The following CNTN4 variants were observed in gnomAD, a reference collection of about 807,000 sequenced individuals.
The protein encoded by CNTN4 is contactin-4.
A neutral mutation model predicts 122.5 loss-of-function variants in CNTN4; 77 were observed. The observed-to-expected ratio is 0.63, with a 90% CI of 0.52 to 0.76. CNTN4 has a LOEUF of 0.76. CNTN4 is among the 30% of genes least tolerant of loss of function. CNTN4 has a pLI of 0.00. For missense variants in CNTN4, 1,256 were observed against 1,259.1 expected, an observed-to-expected ratio of 1.00 and a Z score of 0.04; for synonymous variants, 512 against 447.0, an observed-to-expected ratio of 1.15 and a Z score of -1.83.
chr3:2,645,754 A>T (rs963715646), intron 4 of CNTN4, among the ~76,000 whole-genome samples: 2 of 152,194 alleles, frequency 1.3e-5, no homozygotes, highest in Non-Finnish European at 2.9e-5. Flanking sequence ...TTTGTTCATG[A>T]TGAAGAGGTT....
intron 6 of CNTN4, among the ~76,000 whole-genome samples, chr3:2,773,451 A>T (rs952139621): frequency 2.0e-5 from 3 of 152,102 alleles, no homozygotes; most frequent in African/African-American, 7.2e-5. Flanking sequence ...TAGGGAAGGG[A>T]ATCCAACATT....
chr3:2,597,070 AAGGGGTTGTAAGACC>A (rs879817160), intron 4 of CNTN4, among the ~76,000 whole-genome samples: 13 of 152,150 alleles, frequency 8.5e-5, no homozygotes, highest in Admixed American at 5.2e-4. Flanking sequence ...TTGTAGTGGG[AAGGGGTTGTAAGACC>A]AGGTCACCCA....
rs1280329063 is a variant in CNTN4, at chr3:2,709,701, G to A, written c.56-26514G>A. On this transcript the variant is annotated intron_variant, in intron 4 of 24. Transcript: ENST00000418658. The surrounding 1 kb of genome is among the most constrained non-coding windows in gnomAD (Gnocchi z 5.0). ...GGCTGAGGCAGGTGGATCACTTGAG[G>A]TCAGGAGTTCAAAATCAGCCTGGCC... is the stretch of plus-strand genomic sequence containing the variant. 6.6e-6 allele frequency among the ~76,000 whole-genome samples: 1 copy of A among 152,022 alleles called. No individual in the cohort carries two copies. Among genetic ancestry groups the A allele is most frequent in the Admixed American group, 6.6e-5 (1 of 15,244 alleles).
chr3:2,866,906 C>T lies in CNTN4; in HGVS notation c.609C>T (p.His203=), dbSNP rs2093730105. 6.2e-7 allele frequency: 1 copy of T among 1,614,012 alleles called. No individual in the cohort carries two copies. Among genetic ancestry groups the T allele is most frequent in the Non-Finnish European group, 8.5e-7 (1 of 1,179,932 alleles). ...TCVVTNTVTN[H]KVLGPPTPLI... is the part of the protein sequence containing the mutation. The stretch of plus-strand genomic sequence containing the variant: ...TGGTTACCAATACCGTGACAAACCA[C>T]AAGGTCCTGGGGCCACCTACACCAC... Residue 203 remains histidine (H), a synonymous_variant, in exon 8 of 25, where the codon CAC becomes CAT. Coordinates refer to ENST00000418658, the MANE Select transcript of CNTN4 (RefSeq NM_175607.3).
intron 4 of CNTN4, among the ~76,000 whole-genome samples, chr3:2,599,230 T>G (rs1421950011): frequency 6.6e-6 from 1 of 152,206 alleles, no homozygotes; most frequent in Non-Finnish European, 1.5e-5. Flanking sequence ...TTACTAGTTG[T>G]AGGTTCCATT....
intron 4 of CNTN4, among the ~76,000 whole-genome samples, chr3:2,656,578 T>G (rs541695150): frequency 6.6e-6 from 1 of 152,338 alleles, no homozygotes; most frequent in Admixed American, 6.5e-5. Context: ...GCGGACTAAC[T>G]TAACATTTGG....
chr3:2,814,314 C>T (rs78461880), intron 6 of CNTN4, among the ~76,000 whole-genome samples: 10,229 of 152,304 alleles, frequency 0.067, 393 homozygotes, highest in Non-Finnish European at 0.086. Context: ...GTTTTACATA[C>T]ACATTATTTA....
At chr3:2,650,670 A>G (rs1201084369) in intron 4 of CNTN4, among the ~76,000 whole-genome samples, 1 of 152,204 alleles carries the variant, frequency 6.6e-6, no homozygotes, top group African/African-American at 2.4e-5. Context: ...ATCTTAATCG[A>G]GGGAAGACTC....
rs2087149392 is a variant in CNTN4, at chr3:2,711,486, G to A, written c.56-24729G>A. On this transcript the variant is annotated intron_variant, in intron 4 of 24. Coordinates refer to ENST00000418658, the MANE Select transcript of CNTN4 (RefSeq NM_175607.3). ...AGAGTTTGCATAAGACTTTAGATAT[G>A]ATATATTCCAAATTCCCTACTTTTC... Among the ~76,000 whole-genome samples, 2 of 152,140 alleles carry A rather than the reference G, an allele frequency of 1.3e-5. 1 individual carries two copies. The highest frequency in any genetic ancestry group is 1.3e-4 in the Admixed American group (2 of 15,260).
chr3:2,898,265 T>C (rs2094136620), intron 10 of CNTN4, among the ~76,000 whole-genome samples: 1 of 152,178 alleles, frequency 6.6e-6, no homozygotes, highest in Admixed American at 6.5e-5. Context: ...GATATTCACT[T>C]TGAGAGGAAT....
chr3:2,241,147 A>G (rs1228562844), intron 2 of CNTN4, among the ~76,000 whole-genome samples: 1 of 152,190 alleles, frequency 6.6e-6, no homozygotes, highest in Non-Finnish European at 1.5e-5. Flanking sequence ...AATAATGGAT[A>G]TTTATTGTTT....
rs115372408 is a variant in CNTN4 at position 2,242,532 on chromosome 3, G to T, written c.-144-96646G>T. ...AAGCAGAGACACTTTTTTAACATCA[G>T]TTCTCCAGTGAGTTCATAGCAGATT... On this transcript the variant is annotated intron_variant, in intron 2 of 24. Transcript: ENST00000418658. Among the ~76,000 whole-genome samples, 206 of 152,202 alleles carry T rather than the reference G, an allele frequency of 1.4e-3. 1 individual carries two copies. The highest frequency in any genetic ancestry group is 2.8e-3 in the African/African-American group (118 of 41,538).
chr3:3,048,397 C>T (rs1172468107), intron 23 of CNTN4, among the ~76,000 whole-genome samples: 1 of 152,128 alleles, frequency 6.6e-6, no homozygotes, highest in African/African-American at 2.4e-5. Context: ...AAATTCTATA[C>T]CATTGTATAT....
chr3:2,399,525 T>G (rs1056802804), intron 3 of CNTN4, among the ~76,000 whole-genome samples: 31 of 152,230 alleles, frequency 2.0e-4, no homozygotes, highest in Non-Finnish European at 4.0e-4. Flanking sequence ...CTGTTACTAG[T>G]TACATAAGTT....
intron 13 of CNTN4, among the ~76,000 whole-genome samples, chr3:2,932,342 C>T (rs1335509635): frequency 6.6e-6 from 1 of 152,144 alleles, no homozygotes; most frequent in Admixed American, 6.5e-5. Context: ...TGCACCACTG[C>T]ACTCCAGCCT....
chr3:2,740,958 G>A (rs1244018526), intron 5 of CNTN4, among the ~76,000 whole-genome samples: 1 of 151,978 alleles, frequency 6.6e-6, no homozygotes, highest in Non-Finnish European at 1.5e-5. Context: ...AGAATTCCAG[G>A]GCACATGGAA....
chr3:2,726,426 C>G (rs1056015827), intron 4 of CNTN4, among the ~76,000 whole-genome samples: 10 of 152,134 alleles, frequency 6.6e-5, no homozygotes, highest in Non-Finnish European at 1.3e-4. Context: ...ATCCAAACCA[C>G]TTGAGTTGAA....
At chr3:2,482,731 G>A (rs2076040443) in intron 3 of CNTN4, among the ~76,000 whole-genome samples, 1 of 152,236 alleles carries the variant, frequency 6.6e-6, no homozygotes, top group African/African-American at 2.4e-5. Context: ...TTCAGAGGGT[G>A]CAAGCCTCAA....
At chr3:2,447,960 T>A (rs538449834) in intron 3 of CNTN4, among the ~76,000 whole-genome samples, 2 of 152,274 alleles carry the variant, frequency 1.3e-5, no homozygotes, top group Non-Finnish European at 2.9e-5. Flanking sequence ...ATAAAAAAGA[T>A]AGAATCAAGC....
Sources: allele counts gnomAD v4.1 joint callset (sites outside exome capture counted in the v4.1 genomes callset), GRCh38; gene constraint gnomAD v4.1.1; non-coding constraint Gnocchi (gnomAD v3.1); transcripts MANE v1.5; gene names NCBI Gene and HGNC (gene_info 2026-07-23, HGNC 2026-07-21).